ZNF518A: variants seen among roughly 807,000 people sequenced by gnomAD.
The protein encoded by ZNF518A is zinc finger protein 518.
Under a neutral mutation model 102.7 loss-of-function variants are expected in ZNF518A, and 47 were observed. That is an observed-to-expected ratio of 0.46 (90% confidence interval 0.36 to 0.58). The LOEUF is 0.58. Ranked by LOEUF, ZNF518A falls within the 20% of genes least tolerant of loss-of-function variation. The pLI is 0.00. For missense variants in ZNF518A, 1,793 were observed against 1,699.8 expected (o/e 1.05, Z -0.96); for synonymous variants, 652 against 594.6 (o/e 1.10, Z -1.40).
chr10:96,157,674 A>T lies in ZNF518A; in HGVS notation c.1352A>T (p.Asp451Val), dbSNP rs1219786431. ...ACGTTTATGGGCTTCAAGATGATGG[A>T]TGGAAAACAGCATATTGTATTAAAA... ...NATFMGFKMM[D>V]GKQHIVLKLV... The change falls in exon 6 of 6, where the codon GAT (aspartate) becomes GTT (valine). Residue 451 changes from aspartate (D) to valine (V), a missense_variant. Asp to Val is a radical substitution (Grantham distance 152). This residue lies in a region of ZNF518A where 1,741 missense variants were observed against 1,622.6 expected (regional missense o/e 1.07). Transcript: ENST00000316045. The T allele has an allele frequency of 6.2e-7, 1 of 1,613,762 alleles. No individual in the cohort carries two copies. The highest frequency in any genetic ancestry group is 8.5e-7 in the Non-Finnish European group (1 of 1,179,816).
At chr10:96,148,602 CCCT>C (rs2082282079) in intron 3 of ZNF518A, among the ~76,000 whole-genome samples, 1 of 62 alleles carries the variant, frequency 0.016, no homozygotes, top group Non-Finnish European at 0.036. Context: ...CATGGAAAGC[CCCT>C]GTCTGAACCC....
rs782095863 is a variant in ZNF518A, at chr10:96,157,482, A to C, written c.1160A>C (p.Glu387Ala). The C allele has an allele frequency of 1.9e-6, 3 of 1,613,746 alleles. No individual in the cohort carries two copies. Among genetic ancestry groups the C allele is most frequent in the Admixed American group, 1.7e-5 (1 of 59,978 alleles). The change falls in exon 6 of 6, where the codon GAA (glutamate) becomes GCA (alanine). Residue 387 changes from glutamate to alanine, a missense_variant. Glu to Ala is a moderately radical substitution (Grantham distance 107). Transcript: ENST00000316045. ...LHCENNDKAP[E>A]SESEKPTPLS... is the part of the protein sequence containing the mutation. ...TGTGAGAATAATGATAAAGCCCCTG[A>C]ATCAGAGTCAGAGAAGCCAACTCCT... is the stretch of plus-strand genomic sequence containing the variant.
At chr10:96,201,712 A>C (rs1212908503) in intron 1 of ZNF518A, among the ~76,000 whole-genome samples, 1 of 115,698 alleles carries the variant, frequency 8.6e-6, no homozygotes, top group Admixed American at 8.1e-5. Flanking sequence ...ATGTGGAAAC[A>C]TGTGAAATAC....
At chr10:96,147,759 G>A (rs1270663312) in intron 3 of ZNF518A, among the ~76,000 whole-genome samples, 1 of 152,024 alleles carries the variant, frequency 6.6e-6, no homozygotes, top group Non-Finnish European at 1.5e-5. Flanking sequence ...TCTACTGTTA[G>A]GAATCTTTGC....
At chr10:96,139,399 C>T (rs1331976796) in intron 3 of ZNF518A, among the ~76,000 whole-genome samples, 4 of 152,068 alleles carry the variant, frequency 2.6e-5, no homozygotes, top group African/African-American at 9.7e-5. Context: ...GTCATAAGGG[C>T]AGAGTCCTTA....
At chr10:96,204,447 C>T, downstream of ZNF518A, 2 of 1,381,068 alleles carry the variant, frequency 1.4e-6, no homozygotes, top group Non-Finnish European at 2.1e-6. Context: ...CACTGCAAGT[C>T]AGTGTCACTG....
intron 1 of ZNF518A, among the ~76,000 whole-genome samples, chr10:96,202,489 A>G (rs2083671659): frequency 6.6e-6 from 1 of 152,220 alleles, no homozygotes; most frequent in Admixed American, 6.5e-5. Context: ...GTTTTTGACA[A>G]CAGCAACCAG....
chr10:96,154,613 T>C (rs1486338718), intron 3 of ZNF518A, among the ~76,000 whole-genome samples: 1 of 152,158 alleles, frequency 6.6e-6, no homozygotes, highest in Non-Finnish European at 1.5e-5. Flanking sequence ...AAGCCCCATC[T>C]TAGTTTAAGA....
Position 96,156,888 on chromosome 10 carries a change from C to G in ZNF518A, c.566C>G (p.Thr189Ser). Residue 189 changes from threonine to serine, a missense_variant, in exon 6 of 6, where the codon ACT (threonine) becomes AGT (serine). By Grantham distance (58) the Thr-to-Ser change is moderately conservative. This residue lies in a region of ZNF518A where 1,741 missense variants were observed against 1,622.6 expected (regional missense o/e 1.07). Transcript: ENST00000316045. Reference sequence around the variant, plus strand: ...ATTTGTAACAATGAGAGTGTATATACTTTACTGAACTTGACAAAGCATTTC... The same window carrying G: ...ATTTGTAACAATGAGAGTGTATATAGTTTACTGAACTTGACAAAGCATTTC... ...CDICNNESVY[T>S]LLNLTKHFTS... The G allele has an allele frequency of 6.2e-7, 1 of 1,613,782 alleles. No individual in the cohort carries two copies. The highest frequency in any genetic ancestry group is 8.5e-7 in the Non-Finnish European group (1 of 1,179,778).
chr10:96,174,040 A>G (rs1011363694), intron 1 of ZNF518A, among the ~76,000 whole-genome samples: 2 of 152,160 alleles, frequency 1.3e-5, no homozygotes, highest in Non-Finnish European at 2.9e-5. Context: ...CTTGAGGTTA[A>G]TAAAAGAAAA....
downstream of ZNF518A, among the ~76,000 whole-genome samples, chr10:96,167,381 G>A (rs1476867324): frequency 1.3e-5 from 2 of 152,202 alleles, no homozygotes; most frequent in Admixed American, 1.3e-4. Context: ...TTGAACTCAG[G>A]AGGCAGAGGT....
At chr10:96,142,415 G>A (rs1554876912) in intron 3 of ZNF518A, among the ~76,000 whole-genome samples, 1 of 150,714 alleles carries the variant, frequency 6.6e-6, no homozygotes, top group African/African-American at 2.4e-5. Flanking sequence ...GTTACATGCT[G>A]CTTTGGTTTG....
chr10:96,130,118 G>A (rs1030282208), upstream of ZNF518A: 1 of 152,734 alleles, frequency 6.5e-6, no homozygotes, highest in Non-Finnish European at 1.5e-5. Context: ...TACTACGACA[G>A]GTATTCCCCG....
rs372210291 is a variant in ZNF518A at position 96,158,125 on chromosome 10, C to G, written c.1803C>G (p.Val601=). The G allele has an allele frequency of 3.7e-6, 6 of 1,613,404 alleles. No individual in the cohort carries two copies. In the African/African-American group the frequency reaches 5.3e-5, roughly 14 times the overall value. Residue 601 remains valine, a synonymous_variant, in exon 6 of 6, where the codon GTC becomes GTG. Coordinates refer to ENST00000316045, the MANE Select transcript of ZNF518A (RefSeq NM_001330736.2). ...LGTTIKSPDK[V]NCVAKPNAYN... ...CCACCATTAAAAGTCCAGATAAAGT[C>G]AACTGTGTTGCCAAACCAAATGCAT... is the stretch of plus-strand genomic sequence containing the variant.
intron 1 of ZNF518A, chr10:96,199,907 C>A: frequency 2.9e-6 from 1 of 347,890 alleles, no homozygotes; most frequent in Non-Finnish European, 5.0e-6. Context: ...ACATGTAATC[C>A]CAGCTGCTTG....
Position 96,157,799 on chromosome 10 carries a change from G to C in ZNF518A, c.1477G>C (p.Gly493Arg), listed in dbSNP as rs41291602. 6,831 of 1,613,720 alleles carry C rather than the reference G, an allele frequency of 4.2e-3. 22 individuals are homozygous for C. Among genetic ancestry groups the C allele is most frequent in the Non-Finnish European group, 5.0e-3 (5,840 of 1,179,756 alleles). ...GCAGCCCCAGACTTTGGACACTAAT[G>C]GATTTTTAACAGGAGTAACAACTGA... The part of the protein sequence containing the change: ...NLQPQTLDTN[G>R]FLTGVTTELN... The change falls in exon 6 of 6, where the codon GGA becomes CGA. Residue 493 changes from glycine (G) to arginine (R), a missense_variant. Physicochemically the swap from Gly to Arg is moderately radical, Grantham distance 125. Coordinates refer to ENST00000316045, the MANE Select transcript of ZNF518A (RefSeq NM_001330736.2).
intron 1 of ZNF518A, among the ~76,000 whole-genome samples, chr10:96,196,245 A>C (rs1461078738): frequency 2.0e-5 from 3 of 152,190 alleles, no homozygotes; most frequent in Non-Finnish European, 4.4e-5. Flanking sequence ...CGTAATTCAA[A>C]ACCAGAATAA....
intron 3 of ZNF518A, among the ~76,000 whole-genome samples, chr10:96,140,674 T>C (rs1347324221): frequency 1.3e-5 from 2 of 151,984 alleles, no homozygotes; most frequent in Non-Finnish European, 2.9e-5. Context: ...CTTATGTCTG[T>C]AGTCTCAGCA....
At chr10:96,142,786 C>T (rs1035930225) in intron 3 of ZNF518A, among the ~76,000 whole-genome samples, 1 of 151,332 alleles carries the variant, frequency 6.6e-6, no homozygotes, top group African/African-American at 2.4e-5. Flanking sequence ...AAAATCTTTC[C>T]GGACCCAATG....
Sources: allele counts gnomAD v4.1 joint callset (sites outside exome capture counted in the v4.1 genomes callset), GRCh38; gene constraint gnomAD v4.1.1; regional missense constraint gnomAD v4.1.1; transcripts MANE v1.5; gene names NCBI Gene and HGNC (gene_info 2026-07-23, HGNC 2026-07-21).